Variants in PTPRD observed in about 807,000 individuals in gnomAD.
The protein encoded by PTPRD is protein tyrosine phosphatase receptor type D.
PTPRD carries 34 observed loss-of-function variants against 214.5 expected under a neutral mutation model. That is an observed-to-expected ratio of 0.16 (90% CI 0.12 to 0.21). The LOEUF is 0.21. PTPRD is among the 10% of genes least tolerant of loss of function. PTPRD has a pLI of 1.00. For synonymous variants in PTPRD, 1,128 were observed against 845.7 expected (o/e 1.33, Z -5.79); for missense variants, 2,545 against 2,398.7 (o/e 1.06, Z -1.27).
intron 11 of PTPRD, among the ~76,000 whole-genome samples, chr9:8,852,783 C>T (rs1220431793): frequency 6.6e-6 from 1 of 152,006 alleles, no homozygotes; most frequent in Non-Finnish European, 1.5e-5. Flanking sequence ...CTCTTTTTTC[C>T]CCCTTTTGGT....
At chr9:9,645,666 C>T (rs2096134937) in intron 7 of PTPRD, among the ~76,000 whole-genome samples, 1 of 151,716 alleles carries the variant, frequency 6.6e-6, no homozygotes, top group Non-Finnish European at 1.5e-5. Flanking sequence ...TTCTTGCTTT[C>T]CTCTGATTGA....
intron 4 of PTPRD, among the ~76,000 whole-genome samples, chr9:9,969,427 T>C (rs1444644025): frequency 6.6e-6 from 1 of 152,136 alleles, no homozygotes; most frequent in East Asian, 1.9e-4. Context: ...GGTACTGTAG[T>C]CAAATGTGAC....
chr9:9,913,280 T>C (rs1313194255), intron 5 of PTPRD, among the ~76,000 whole-genome samples: 1 of 152,216 alleles, frequency 6.6e-6, no homozygotes, highest in African/African-American at 2.4e-5. Context: ...GGAGTCTTGA[T>C]ATTAGTCAAC....
chr9:9,595,398 A>G (rs931656882), intron 7 of PTPRD, among the ~76,000 whole-genome samples: 39 of 145,122 alleles, frequency 2.7e-4, no homozygotes, highest in African/African-American at 1.0e-3. Flanking sequence ...CACCATATAC[A>G]TATATACATA....
At chr9:8,741,384 A>G (rs972966847) in intron 11 of PTPRD, among the ~76,000 whole-genome samples, 1 of 152,088 alleles carries the variant, frequency 6.6e-6, no homozygotes, top group African/African-American at 2.4e-5. Context: ...ACTGGCAATG[A>G]AACGGTTAAA....
intron 3 of PTPRD, among the ~76,000 whole-genome samples, chr9:10,224,411 A>C (rs540797095): frequency 2.2e-4 from 34 of 152,142 alleles, no homozygotes; most frequent in African/African-American, 7.2e-4. Context: ...CACAATGTGC[A>C]GGTTAGTTAC....
chr9:10,067,203 C>G (rs1212971424), intron 3 of PTPRD, among the ~76,000 whole-genome samples: 1 of 151,880 alleles, frequency 6.6e-6, no homozygotes, highest in African/African-American at 2.4e-5. Context: ...TATAAATCCA[C>G]AGGTCCTTTG....
In PTPRD at chr9:8,499,640, G is replaced by C. The variant is rs2136799787; in HGVS notation, c.2322+7C>G. On this transcript the variant is annotated splice_region_variant and intron_variant, in intron 25 of 45. Transcript: ENST00000381196. ...AAAAACAGAGGTACATAATTTCAGA[G>C]GCTTACCTGTGCATCAGCCAGCATG... 3.7e-6 allele frequency: 6 copies of C among 1,611,782 alleles called. No individual in the cohort carries two copies. The highest frequency in any genetic ancestry group is 5.1e-6 in the Non-Finnish European group (6 of 1,179,194).
At chr9:9,789,641 C>T (rs1299227637) in intron 5 of PTPRD, among the ~76,000 whole-genome samples, 1 of 151,474 alleles carries the variant, frequency 6.6e-6, no homozygotes, top group Non-Finnish European at 1.5e-5. Context: ...ACTAAAAATA[C>T]AAAAACTTAG....
At chr9:9,979,881 C>A (rs2095480697) in intron 4 of PTPRD, among the ~76,000 whole-genome samples, 1 of 152,034 alleles carries the variant, frequency 6.6e-6, no homozygotes, top group Admixed American at 6.6e-5. Flanking sequence ...TTGGGCACAG[C>A]AACGGGCAAA....
At chr9:9,346,047 AG>A (rs1204315395) in intron 9 of PTPRD, among the ~76,000 whole-genome samples, 2 of 152,166 alleles carry the variant, frequency 1.3e-5, no homozygotes, top group African/African-American at 4.8e-5. Flanking sequence ...AGTATAGAAT[AG>A]GGGCCGTGTT....
At chr9:9,691,595 A>G (rs546603938) in intron 7 of PTPRD, among the ~76,000 whole-genome samples, 2 of 152,176 alleles carry the variant, frequency 1.3e-5, no homozygotes, top group African/African-American at 4.8e-5. Flanking sequence ...CAAACATGAC[A>G]GTGCAGATTC....
intron 14 of PTPRD, among the ~76,000 whole-genome samples, chr9:8,607,142 T>C (rs2154284189): frequency 6.6e-6 from 1 of 152,306 alleles, no homozygotes; most frequent in South Asian, 2.1e-4. Flanking sequence ...GTTAATATTA[T>C]ATTCTTGAAA....
At chr9:8,588,883 T>A (rs969535376) in intron 14 of PTPRD, among the ~76,000 whole-genome samples, 1 of 152,146 alleles carries the variant, frequency 6.6e-6, no homozygotes, top group African/African-American at 2.4e-5. Context: ...ATTGTTAAAA[T>A]AGAGATTCTT....
At chr9:8,983,551 C>T (rs190525091) in intron 11 of PTPRD, among the ~76,000 whole-genome samples, 2 of 151,228 alleles carry the variant, frequency 1.3e-5, no homozygotes, top group African/African-American at 4.8e-5. Flanking sequence ...AAGTCTCACT[C>T]TCTGGCCCAG....
intron 37 of PTPRD, among the ~76,000 whole-genome samples, chr9:8,386,033 G>C: frequency 6.6e-6 from 1 of 152,314 alleles, no homozygotes; most frequent in East Asian, 1.9e-4. Context: ...AGTTGTCACT[G>C]TAAAGCCCCC....
intron 7 of PTPRD, among the ~76,000 whole-genome samples, chr9:9,723,120 C>G (rs974897854): frequency 6.6e-6 from 1 of 151,988 alleles, no homozygotes; most frequent in African/African-American, 2.4e-5. Flanking sequence ...AAGATTTACT[C>G]CTATGTTTTC....
intron 31 of PTPRD, among the ~76,000 whole-genome samples, chr9:8,470,268 G>A (rs10977135): frequency 0.11 from 17,257 of 151,952 alleles, 1,484 homozygotes; most frequent in African/African-American, 0.24. Context: ...ATATTTTCTT[G>A]CCTAAATAGA....
intron 10 of PTPRD, among the ~76,000 whole-genome samples, chr9:9,176,625 C>T (rs1326449250): frequency 1.3e-5 from 2 of 152,048 alleles, no homozygotes; most frequent in African/African-American, 2.4e-5. Context: ...GAGGCCTCTG[C>T]CCTCATGAAT....
Sources: allele counts gnomAD v4.1 joint callset (sites outside exome capture counted in the v4.1 genomes callset), GRCh38; gene constraint gnomAD v4.1.1; transcripts MANE v1.5; gene names NCBI Gene and HGNC (gene_info 2026-07-23, HGNC 2026-07-21).